SRL: variants seen among roughly 807,000 people sequenced by gnomAD.
SRL encodes the protein sarcalumenin.
A neutral mutation model predicts 39.5 loss-of-function variants in SRL; 23 were observed. The observed-to-expected ratio is 0.58, with a 90% CI of 0.42 to 0.82. SRL has a LOEUF of 0.82. Ranked by LOEUF, SRL falls within the 40% of genes least tolerant of loss-of-function variation. The probability of loss-of-function intolerance (pLI) is 0.00; values close to 1 mark genes in which losing one functional copy is unlikely to be tolerated. For synonymous variants in SRL, 272 were observed against 237.4 expected, an observed-to-expected ratio of 1.15 and a Z score of -1.34; for missense variants, 592 against 607.8, an observed-to-expected ratio of 0.97 and a Z score of 0.27.
chr16:4,230,630 G>C (rs1313778014), intron 1 of SRL, among the ~76,000 whole-genome samples: 1 of 151,340 alleles, frequency 6.6e-6, no homozygotes, highest in Admixed American at 6.6e-5. Context: ...CTCGTGATCC[G>C]CACCCCCTTG....
chr16:4,199,098 G>A (rs181874423), intron 3 of SRL, among the ~76,000 whole-genome samples: 4 of 152,232 alleles, frequency 2.6e-5, no homozygotes, highest in East Asian at 3.9e-4. Context: ...CTCCAGACTC[G>A]TCTCCCTGAG....
chr16:4,203,092 C>G, intron 3 of SRL, 74 bp downstream of exon 3: 2 of 1,331,884 alleles, frequency 1.5e-6, no homozygotes, highest in Non-Finnish European at 2.2e-6. Flanking sequence ...CCAGGCCGGT[C>G]AGCAGTGTGG....
Position 4,190,296 on chromosome 16 carries a change from T to C in SRL, c.*1857A>G. 2.5e-6 allele frequency: 1 copy of C among 399,126 alleles called. No homozygotes were observed. The highest frequency in any genetic ancestry group is 4.4e-6 in the Non-Finnish European group (1 of 226,456). The allele number at this position is 399,126 out of a possible 1,614,324, so 24.7% of individuals were successfully genotyped here. On this transcript the variant is annotated 3_prime_UTR_variant, in exon 6 of 6. Transcript: ENST00000399609. ...ACCCTGCCTGACCTCAGAGTGCCTC[T>C]CCCTCTGCCTGCCTTTCCACTGTCC...
At chr16:4,241,453 C>T (rs970654611) in intron 1 of SRL, among the ~76,000 whole-genome samples, 2 of 152,214 alleles carry the variant, frequency 1.3e-5, no homozygotes, top group Admixed American at 1.3e-4. Flanking sequence ...GCATCCAATG[C>T]TGTTTCCAGC....
chr16:4,213,296 G>T (rs945713184), intron 1 of SRL, among the ~76,000 whole-genome samples: 2 of 150,382 alleles, frequency 1.3e-5, no homozygotes, highest in Non-Finnish European at 2.9e-5. Context: ...TACTCTCCTC[G>T]CTTCTTCCTT....
chr16:4,198,615 A>T (rs1279090218), intron 3 of SRL, among the ~76,000 whole-genome samples: 1 of 151,146 alleles, frequency 6.6e-6, no homozygotes, highest in African/African-American at 2.5e-5. Flanking sequence ...CAGCAAATTT[A>T]AAAATTTTTT....
chr16:4,236,411 T>C lies in SRL; in HGVS notation c.61+5596A>G, dbSNP rs145026218. The stretch of plus-strand genomic sequence containing the variant: ...CTATCTTTCTGAAATTCATTTATCT[T>C]CTTCCTCTTCCTACTCCTCAAACTT... On this transcript the variant is annotated intron_variant, in intron 1 of 5. Coordinates refer to ENST00000399609, the MANE Select transcript of SRL (RefSeq NM_001098814.2). 3.3e-3 allele frequency among the ~76,000 whole-genome samples: 503 copies of C among 152,256 alleles called. 2 individuals are homozygous for C. The highest frequency in any genetic ancestry group is 0.012 in the African/African-American group (485 of 41,540).
rs35631556 is a variant in SRL, at chr16:4,199,693, C to CTTTT, written c.260-1782_260-1779dup. Among the ~76,000 whole-genome samples, 55 of 96,438 alleles carry CTTTT rather than the reference C, an allele frequency of 5.7e-4. 1 individual carries two copies. The highest frequency in any genetic ancestry group is 1.6e-3 in the South Asian group (4 of 2,492). The allele number at this position is 96,438 out of a possible 152,430, so 63.3% of individuals were successfully genotyped here. On this transcript the variant is annotated intron_variant, in intron 3 of 5. Coordinates refer to ENST00000399609, the MANE Select transcript of SRL (RefSeq NM_001098814.2). ...CCCCTCCCCATCTTCTTTTCTTTTC[C>CTTTT]TTTTTTTTTTTTTTTTTTTTTGAGA...
chr16:4,231,714 C>G (rs1023659030), intron 1 of SRL, among the ~76,000 whole-genome samples: 3 of 152,122 alleles, frequency 2.0e-5, no homozygotes, highest in African/African-American at 7.2e-5. Context: ...TATTAACAGT[C>G]CTGAGCAGGG....
intron 1 of SRL, among the ~76,000 whole-genome samples, chr16:4,224,136 AGAG>A (rs1353511829): frequency 6.6e-6 from 1 of 152,016 alleles, no homozygotes; most frequent in East Asian, 1.9e-4. Context: ...GAGGGAGAGG[AGAG>A]GAGGAGGGAG....
intron 1 of SRL, among the ~76,000 whole-genome samples, chr16:4,211,860 C>G (rs114761042): frequency 5.3e-5 from 8 of 151,276 alleles, no homozygotes; most frequent in African/African-American, 1.9e-4. Context: ...ACGACGATGA[C>G]GACGATGGTG....
chr16:4,222,659 C>T (rs2052543407), intron 1 of SRL, among the ~76,000 whole-genome samples: 1 of 130,432 alleles, frequency 7.7e-6, no homozygotes, highest in African/African-American at 3.6e-5. Flanking sequence ...CCACTGGAGG[C>T]TGCAGATATC....
intron 4 of SRL, among the ~76,000 whole-genome samples, chr16:4,196,623 G>T (rs553924747): frequency 3.9e-5 from 6 of 152,098 alleles, no homozygotes; most frequent in Admixed American, 3.3e-4. Context: ...TGGGATTACA[G>T]GTGCCCAGCA....
intron 3 of SRL, among the ~76,000 whole-genome samples, chr16:4,199,364 C>CTTTTTTTTTTT (rs71139622): frequency 1.2e-5 from 1 of 84,604 alleles, no homozygotes; most frequent in Non-Finnish European, 2.3e-5. Flanking sequence ...TATTCCCCAT[C>CTTTTTTTTTTT]TTTTTTTTTT....
rs1488837367 is a variant in SRL at position 4,192,171 on chromosome 16, A to G, written c.1404T>C (p.Asn468=). 6.4e-7 allele frequency: 1 copy of G among 1,554,094 alleles called. No individual in the cohort carries two copies. The highest frequency in any genetic ancestry group is 1.3e-5 in the South Asian group (1 of 78,722). ...CCACCACCTAGTGCTTCCTGTAGCG[A>G]TTTTTTGGTGTTTCGCTACACCCTG... is the stretch of plus-strand genomic sequence containing the variant. ...DKTGCSETPK[N]RYRKH The change falls in exon 6 of 6, where the codon AAT becomes AAC. Residue 468 remains asparagine (N), a synonymous_variant. Coordinates refer to ENST00000399609, the MANE Select transcript of SRL (RefSeq NM_001098814.2). The surrounding 1 kb of genome is among the most constrained non-coding windows in gnomAD (Gnocchi z 4.0).
chr16:4,197,965 C>T (rs752447950), intron 3 of SRL, 50 bp from the exon 4 acceptor site: 16 of 1,259,818 alleles, frequency 1.3e-5, no homozygotes, highest in Non-Finnish European at 1.9e-5. Flanking sequence ...AAAGTTCACA[C>T]AAGGGGTATG....
intron 5 of SRL, among the ~76,000 whole-genome samples, chr16:4,193,285 A>T (rs1370655447): frequency 6.6e-6 from 1 of 152,064 alleles, no homozygotes; most frequent in African/African-American, 2.4e-5. Flanking sequence ...CTCCCACCTC[A>T]GCCTCCCAAA....
At chr16:4,220,309 A>AC (rs1567185106) in intron 1 of SRL, among the ~76,000 whole-genome samples, 112 of 151,246 alleles carry the variant, frequency 7.4e-4, no homozygotes, top group African/African-American at 2.2e-3. Flanking sequence ...ACACACACAC[A>AC]AATAACCGGG....
chr16:4,224,186 A>G (rs921985780), intron 1 of SRL, among the ~76,000 whole-genome samples: 2 of 152,126 alleles, frequency 1.3e-5, no homozygotes, highest in Admixed American at 6.6e-5. Context: ...TAGGAGCCCA[A>G]GTGTTCTCCC....
Sources: gnomAD v4.1 joint callset for allele counts (sites outside exome capture counted in the v4.1 genomes callset) on GRCh38, gnomAD v4.1.1 for gene constraint, Gnocchi (gnomAD v3.1) non-coding constraint, MANE v1.5 for transcripts, NCBI Gene and HGNC (gene_info 2026-07-23, HGNC 2026-07-21) for gene names.